SCN2A: variants seen among roughly 807,000 people sequenced by gnomAD.
The protein encoded by SCN2A is sodium channel protein type 2 subunit alpha.
SCN2A carries 20 observed loss-of-function variants against 188.7 expected under a neutral mutation model. The observed-to-expected ratio is 0.11, with a 90% CI of 0.07 to 0.15. The LOEUF is 0.15. SCN2A is among the 10% of genes least tolerant of loss of function. The pLI is 1.00. For missense variants in SCN2A, 1,278 were observed against 2,445.0 expected (o/e 0.52, Z 10.07); for synonymous variants, 804 against 833.1 (o/e 0.97, Z 0.60).
At chr2:165,366,507 C>T (rs780735633) in intron 18 of SCN2A, among the ~76,000 whole-genome samples, 7 of 151,952 alleles carry the variant, frequency 4.6e-5, no homozygotes, top group Middle Eastern at 3.4e-3. Flanking sequence ...CCGAGGCAGG[C>T]GGATCACTTG....
At chr2:165,338,554 C>T (rs1403015809) in intron 14 of SCN2A, among the ~76,000 whole-genome samples, 2 of 151,950 alleles carry the variant, frequency 1.3e-5, no homozygotes, top group Admixed American at 6.6e-5. Flanking sequence ...GCCACCACGC[C>T]GGGCCAGAAC....
At chr2:165,326,355 C>G (rs934124164) in intron 12 of SCN2A, among the ~76,000 whole-genome samples, 1 of 152,110 alleles carries the variant, frequency 6.6e-6, no homozygotes, top group Non-Finnish European at 1.5e-5. Flanking sequence ...GGAAATATTA[C>G]CTGTGTCTAA....
chr2:165,292,586 T>C (rs1405524386), intron 1 of SCN2A, among the ~76,000 whole-genome samples: 1 of 152,208 alleles, frequency 6.6e-6, no homozygotes, highest in East Asian at 1.9e-4. Context: ...GGTATTTTGT[T>C]TTCTGTTTTT....
intron 12 of SCN2A, 34 bp from the exon 13 acceptor site, chr2:165,326,818 A>T (rs760400086): frequency 6.2e-7 from 1 of 1,613,280 alleles, no homozygotes; most frequent in Non-Finnish European, 8.5e-7. Context: ...GCTTTCAAAA[A>T]TAGTGGTTAT....
intron 1 of SCN2A, among the ~76,000 whole-genome samples, chr2:165,255,457 G>C (rs977322336): frequency 1.9e-4 from 29 of 151,998 alleles, no homozygotes; most frequent in African/African-American, 7.0e-4. Flanking sequence ...TTCTCCATAA[G>C]CGTATTATTT....
intron 1 of SCN2A, among the ~76,000 whole-genome samples, chr2:165,253,214 T>G (rs1217208556): frequency 6.6e-6 from 1 of 152,154 alleles, no homozygotes; most frequent in Non-Finnish European, 1.5e-5. Context: ...CAGGATCTTC[T>G]ACCTGCCCTT....
intron 1 of SCN2A, among the ~76,000 whole-genome samples, chr2:165,265,337 G>C (rs1694792536): frequency 6.7e-6 from 1 of 148,682 alleles, no homozygotes; most frequent in Non-Finnish European, 1.5e-5. Flanking sequence ...CTTTTTAATG[G>C]GGTTGTTTGT....
At chr2:165,261,350 T>C (rs7600082) in intron 1 of SCN2A, among the ~76,000 whole-genome samples, 126,706 of 152,100 alleles carry the variant, frequency 0.83, 52,828 homozygotes, top group African/African-American at 0.84. Context: ...ATTAATAGGA[T>C]CATTGTTAGG....
intron 1 of SCN2A, among the ~76,000 whole-genome samples, chr2:165,260,970 CAA>C (rs760304392): frequency 6.6e-5 from 6 of 90,386 alleles, no homozygotes; most frequent in African/African-American, 4.5e-5. Flanking sequence ...AACTCCGTCT[CAA>C]AAAAAAAAAA....
chr2:165,345,871 G>A (rs866630119), intron 16 of SCN2A, among the ~76,000 whole-genome samples: 1 of 152,186 alleles, frequency 6.6e-6, no homozygotes, highest in African/African-American at 2.4e-5. Flanking sequence ...CATATTTAGT[G>A]CTTCCTTCAG....
At chr2:165,266,624 C>T (rs1694876266) in intron 1 of SCN2A, 1 of 152,110 alleles carries the variant, frequency 6.6e-6, no homozygotes, top group Admixed American at 6.6e-5. Flanking sequence ...TTTTCTTACT[C>T]TCATTATTTC....
At chr2:165,242,100 T>G (rs1693649611) in intron 1 of SCN2A, among the ~76,000 whole-genome samples, 1 of 152,204 alleles carries the variant, frequency 6.6e-6, no homozygotes, top group Non-Finnish European at 1.5e-5. Flanking sequence ...TTTGGTGTTA[T>G]GCATTTGACA....
intron 16 of SCN2A, among the ~76,000 whole-genome samples, chr2:165,353,584 G>T (rs1700039022): frequency 6.6e-6 from 1 of 152,148 alleles, no homozygotes; most frequent in Non-Finnish European, 1.5e-5. Context: ...GCTGGCATCT[G>T]CTTGGCTTCT....
At chr2:165,308,321 T>C (rs921144508) in intron 4 of SCN2A, among the ~76,000 whole-genome samples, 1 of 152,138 alleles carries the variant, frequency 6.6e-6, no homozygotes, top group African/African-American at 2.4e-5. Flanking sequence ...TGGTGCATAT[T>C]TTATGAAATA....
At chr2:165,285,399 TCATC>T (rs1478843518) in intron 1 of SCN2A, 1 of 166,962 alleles carries the variant, frequency 6.0e-6, no homozygotes, top group African/African-American at 2.4e-5. Context: ...TGCTTTATGG[TCATC>T]CTCTTCCCTG....
intron 17 of SCN2A, among the ~76,000 whole-genome samples, chr2:165,364,905 C>T (rs933972709): frequency 3.3e-5 from 5 of 152,014 alleles, no homozygotes; most frequent in Non-Finnish European, 7.4e-5. Context: ...TACATAGGCT[C>T]AAACAGAAGT....
intron 3 of SCN2A, among the ~76,000 whole-genome samples, chr2:165,302,342 T>C (rs1452936488): frequency 5.9e-5 from 9 of 152,192 alleles, no homozygotes; most frequent in Non-Finnish European, 1.3e-4. Flanking sequence ...TGCACTGGTA[T>C]GCAGAAAAAG....
rs140534403 is a variant in SCN2A at position 165,287,239 on chromosome 2, C to T, written c.-51-8534C>T. 2.3e-3 allele frequency among the ~76,000 whole-genome samples: 344 copies of T among 152,282 alleles called. 4 individuals carry two copies. The highest frequency in any genetic ancestry group is 3.4e-3 in the Non-Finnish European group (230 of 68,010). On this transcript the variant is annotated intron_variant, in intron 1 of 26. Transcript: ENST00000375437. ...CATTGGCCTAGTTATGGCCTGGTTACGGCGTTTGCATCTCTCTTCCCTTTA... is the reference window on the plus strand; with the variant it reads ...CATTGGCCTAGTTATGGCCTGGTTATGGCGTTTGCATCTCTCTTCCCTTTA...
intron 16 of SCN2A, among the ~76,000 whole-genome samples, chr2:165,353,157 G>A (rs1361064988): frequency 4.6e-5 from 7 of 150,904 alleles, no homozygotes; most frequent in Non-Finnish European, 1.0e-4. Flanking sequence ...ACTGATTACT[G>A]TCCTTATTCA....
Sources: gnomAD v4.1 joint callset for allele counts (sites outside exome capture counted in the v4.1 genomes callset) on GRCh38, gnomAD v4.1.1 for gene constraint, MANE v1.5 for transcripts, NCBI Gene and HGNC (gene_info 2026-07-23, HGNC 2026-07-21) for gene names.